The following OR5A1 variants were observed in gnomAD, a reference collection of about 807,000 sequenced individuals.
OR5A1 encodes the protein olfactory receptor 5A1.
In OR5A1, 6 loss-of-function variants were observed where a neutral mutation model predicts 6.7. That is an observed-to-expected ratio of 0.89 (90% CI 0.49 to 1.76). The LOEUF is 1.76. OR5A1 is among the 40% of genes most tolerant of loss of function. OR5A1 has a pLI of 0.01. For missense variants in OR5A1, 378 were observed against 381.7 expected (o/e 0.99, Z 0.08); for synonymous variants, 170 against 155.0 (o/e 1.10, Z -0.72).
chr11:59,443,224 G>T lies in OR5A1; in HGVS notation c.56G>T (p.Gly19Val). ...SSSVTMFILL[G>V]FTDHPELQAL... ...TCAGTGACCATGTTCATCCTCCTGG[G>T]ATTCACAGACCATCCAGAACTCCAG... is the stretch of plus-strand genomic sequence containing the variant. Residue 19 changes from glycine to valine, a missense_variant, in exon 2 of 2, where the codon GGA becomes GTA. Coordinates refer to ENST00000641045, the MANE Select transcript of OR5A1 (RefSeq NM_001004728.2). 1 of 1,614,078 alleles carries T rather than the reference G, an allele frequency of 6.2e-7. No individual in the cohort carries two copies. Among genetic ancestry groups the T allele is most frequent in the South Asian group, 1.1e-5 (1 of 91,076 alleles).
In OR5A1 at chr11:59,443,377, C is replaced by T; in HGVS notation, c.209C>T (p.Ser70Phe). The T allele has an allele frequency of 6.2e-7, 1 of 1,613,818 alleles. No individual in the cohort carries two copies. Residue 70 changes from serine (S) to phenylalanine (F), a missense_variant, in exon 2 of 2, where the codon TCT (serine) becomes TTT (phenylalanine). Ser to Phe is a radical substitution (Grantham distance 155, BLOSUM62 -2). Transcript: ENST00000641045. ...ATGTACTTCTTCCTAAGCAACTTAT[C>T]TTTCATTGACATCTGCTACTCTTCT... The part of the protein sequence containing the change: ...TPMYFFLSNL[S>F]FIDICYSSAV...
At chr11:59,440,605 CCAAATGG>C (rs1565074402) in intron 1 of OR5A1, among the ~76,000 whole-genome samples, 1 of 152,204 alleles carries the variant, frequency 6.6e-6, no homozygotes, top group Non-Finnish European at 1.5e-5. Flanking sequence ...TTCTACCTTG[CCAAATGG>C]CTGTACCTCT....
In OR5A1 at chr11:59,443,802, A is replaced by C. The variant is rs778236312; in HGVS notation, c.634A>C (p.Thr212Pro). The change falls in exon 2 of 2, where the codon ACA (threonine) becomes CCA (proline). Residue 212 changes from threonine (T) to proline (P), a missense_variant. Physicochemically the swap from Thr to Pro is conservative, Grantham distance 38. Transcript: ENST00000641045. ...NFLVVVTVGG[T>P]SFLQLLISYG... ...CCTCGTGGTGGTCACTGTCGGAGGA[A>C]CATCGTTCCTCCAACTCCTTATCTC... 5 of 1,614,024 alleles carry C rather than the reference A, an allele frequency of 3.1e-6. No homozygotes were observed. In the Admixed American group the frequency reaches 8.3e-5, roughly 27 times the overall value.
rs1482524402 is a variant in OR5A1, at chr11:59,449,217, GAACAGTGTA to G, written c.*5105_*5113del. The G allele has an allele frequency of 6.6e-6, 1 of 152,098 alleles. No homozygotes were observed. Among genetic ancestry groups the G allele is most frequent in the Non-Finnish European group, 1.5e-5 (1 of 68,024 alleles). 9.4% of individuals were successfully genotyped at this position (152,098 alleles called of 1,614,324 possible). A position where few individuals can be genotyped will look rare whatever the true frequency, so the allele number is the denominator to read the frequency against. On this transcript the variant is annotated 3_prime_UTR_variant, in exon 2 of 2. Coordinates refer to ENST00000641045, the MANE Select transcript of OR5A1 (RefSeq NM_001004728.2). ...AGACTTCTTATTCAGCATCAGTTAG[GAACAGTGTA>G]AACTGTTCATGTGTTTGGGTGAAGA...
rs533956178 is a variant in OR5A1 at position 59,444,001 on chromosome 11, C to T, written c.833C>T (p.Ser278Phe). 1 of 1,614,084 alleles carries T rather than the reference C, an allele frequency of 6.2e-7. No individual in the cohort carries two copies. The highest frequency in any genetic ancestry group is 8.5e-7 in the Non-Finnish European group (1 of 1,179,996). The change falls in exon 2 of 2, where the codon TCT becomes TTT. Residue 278 changes from serine (S) to phenylalanine (F), a missense_variant. By Grantham distance (155) the Ser-to-Phe change is radical. Coordinates refer to ENST00000641045, the MANE Select transcript of OR5A1 (RefSeq NM_001004728.2). ...SYLLGRDKVVSVFYSLVIPML... is the reference protein window; with the variant it reads ...SYLLGRDKVVFVFYSLVIPML... Reference sequence around the variant, plus strand: ...TTGCTAGGCAGGGACAAGGTGGTGTCTGTTTTCTATTCATTGGTGATCCCC... The same window carrying T: ...TTGCTAGGCAGGGACAAGGTGGTGTTTGTTTTCTATTCATTGGTGATCCCC...
Position 59,443,817 on chromosome 11 carries a change from C to T in OR5A1, c.649C>T (p.Leu217Phe), listed in dbSNP as rs1858515402. 1 of 1,614,134 alleles carries T rather than the reference C, an allele frequency of 6.2e-7. No homozygotes were observed. Among genetic ancestry groups the T allele is most frequent in the East Asian group, 2.2e-5 (1 of 44,868 alleles). The change falls in exon 2 of 2, where the codon CTC becomes TTC. Residue 217 changes from leucine to phenylalanine, a missense_variant. Physicochemically the swap from Leu to Phe is conservative, Grantham distance 22. Transcript: ENST00000641045. ...TGTCGGAGGAACATCGTTCCTCCAA[C>T]TCCTTATCTCCTATGGTTACATAGT... Reference protein sequence around the residue: ...VTVGGTSFLQLLISYGYIVSA... With the variant: ...VTVGGTSFLQFLISYGYIVSA...
rs757498023 is a variant in OR5A1 at position 59,443,624 on chromosome 11, T to A, written c.456T>A (p.Tyr152Ter). The stretch of plus-strand genomic sequence containing the variant: ...GTACACGCATGGTGGTTGGGGCATA[T>A]GTTGGTGGCTTCCTGAGCTCCCTGA... ...GLCTRMVVGA[Y>*]VGGFLSSLIQ... The change falls in exon 2 of 2, where the codon TAT (tyrosine) becomes TAA (stop). Residue 152 changes from tyrosine (Y) to a stop codon, truncating the protein, a stop_gained. Coordinates refer to ENST00000641045, the MANE Select transcript of OR5A1 (RefSeq NM_001004728.2). LOFTEE classifies it high-confidence loss of function. 6.2e-7 allele frequency: 1 copy of A among 1,614,078 alleles called. No homozygotes were observed. The highest frequency in any genetic ancestry group is 8.5e-7 in the Non-Finnish European group (1 of 1,180,028).
At chr11:59,441,982 A>AGAT (rs1410688677) in intron 1 of OR5A1, among the ~76,000 whole-genome samples, 7 of 134,408 alleles carry the variant, frequency 5.2e-5, no homozygotes, top group Admixed American at 1.6e-4. Flanking sequence ...ATAGATAGAT[A>AGAT]GATAGATGAT....
intron 1 of OR5A1, among the ~76,000 whole-genome samples, chr11:59,442,303 G>A (rs189480464): frequency 1.1e-3 from 162 of 152,210 alleles, no homozygotes; most frequent in Non-Finnish European, 1.9e-3. Flanking sequence ...TTAGCCAGTC[G>A]CGGTGGCGTA....
rs377482488 is a variant in OR5A1 at position 59,449,273 on chromosome 11, G to A, written c.*5157G>A. The A allele has an allele frequency of 3.9e-5, 6 of 152,176 alleles. No individual in the cohort carries two copies. The highest frequency in any genetic ancestry group is 9.7e-5 in the African/African-American group (4 of 41,436). The allele number at this position is 152,176 out of a possible 1,614,324, so 9.4% of individuals were successfully genotyped here. A position where few individuals can be genotyped will look rare whatever the true frequency, so the allele number is the denominator to read the frequency against. The stretch of plus-strand genomic sequence containing the variant: ...AAGAAGGGCAGAGCAGTGATGATGG[G>A]GAAGTTGTCAGGCTCACTTTACCAA... On this transcript the variant is annotated 3_prime_UTR_variant, in exon 2 of 2. Coordinates refer to ENST00000641045, the MANE Select transcript of OR5A1 (RefSeq NM_001004728.2).
chr11:59,438,715 T>A (rs1858449450), intron 1 of OR5A1, among the ~76,000 whole-genome samples: 1 of 152,140 alleles, frequency 6.6e-6, no homozygotes. Context: ...TAGTAAGCAA[T>A]CCAAAAAGTA....
intron 1 of OR5A1, among the ~76,000 whole-genome samples, chr11:59,442,259 A>C (rs1458007459): frequency 1.3e-5 from 2 of 152,164 alleles, no homozygotes; most frequent in African/African-American, 4.8e-5. Flanking sequence ...CCTGACCAAC[A>C]TGGAGAAACT....
rs1858589317 is a variant in OR5A1 at position 59,449,359 on chromosome 11, A to T, written c.*5243A>T. ...ACACCTACAAACTTATGATTTCAAT[A>T]GTGTCTCTGAAAGGCAAAATGTCCA... On this transcript the variant is annotated 3_prime_UTR_variant, in exon 2 of 2. Transcript: ENST00000641045. 2 of 152,154 alleles carry T rather than the reference A, an allele frequency of 1.3e-5. No individual in the cohort carries two copies. The highest frequency in any genetic ancestry group is 1.3e-4 in the Admixed American group (2 of 15,256). The allele number at this position is 152,154 out of a possible 1,614,324, so 9.4% of individuals were successfully genotyped here. A position where few individuals can be genotyped will look rare whatever the true frequency, so the allele number is the denominator to read the frequency against.
chr11:59,440,282 G>A (rs1858467154), intron 1 of OR5A1, among the ~76,000 whole-genome samples: 1 of 152,028 alleles, frequency 6.6e-6, no homozygotes, highest in Non-Finnish European at 1.5e-5. Context: ...ATGTTTCTCA[G>A]GTTGGTCTCG....
rs1858501190 is a variant in OR5A1 at position 59,443,221 on chromosome 11, T to A, written c.53T>A (p.Leu18Gln). ...NSSSVTMFIL[L>Q]GFTDHPELQA... is the part of the protein sequence containing the mutation. ...TCATCAGTGACCATGTTCATCCTCC[T>A]GGGATTCACAGACCATCCAGAACTC... The change falls in exon 2 of 2, where the codon CTG (leucine) becomes CAG (glutamine). Residue 18 changes from leucine to glutamine, a missense_variant. Physicochemically the swap from Leu to Gln is moderately radical, Grantham distance 113. Transcript: ENST00000641045. 1 of 1,614,032 alleles carries A rather than the reference T, an allele frequency of 6.2e-7. No individual in the cohort carries two copies. Among genetic ancestry groups the A allele is most frequent in the Admixed American group, 1.7e-5 (1 of 59,990 alleles).
Position 59,444,169 on chromosome 11 carries a change from G to GCCTTCA in OR5A1, c.*57_*62dup, listed in dbSNP as rs561929961. On this transcript the variant is annotated 3_prime_UTR_variant, in exon 2 of 2. Coordinates refer to ENST00000641045, the MANE Select transcript of OR5A1 (RefSeq NM_001004728.2). ...ACTGCTGGAGAATTAAACAATCCAA[G>GCCTTCA]CCTTCACCTCCACCTCTGCCTCAGG... 2.3e-4 allele frequency: 288 copies of GCCTTCA among 1,225,538 alleles called. 2 individuals carry two copies. In the East Asian group the frequency reaches 2.5e-3, roughly 10 times the overall value. 75.9% of individuals were successfully genotyped at this position (1,225,538 alleles called of 1,614,324 possible).
intron 1 of OR5A1, among the ~76,000 whole-genome samples, chr11:59,438,877 C>G: frequency 6.6e-6 from 1 of 152,146 alleles, no homozygotes; most frequent in Non-Finnish European, 1.5e-5. Flanking sequence ...AGTCTTGACC[C>G]CTTTAGCATT....
At position 59,444,319 on chromosome 11, in the gene OR5A1, G is replaced by GAAAAAAAAAAA. The variant is rs35421205; in HGVS notation, c.*213_*223dup. 1.2e-5 allele frequency: 1 copy of GAAAAAAAAAAA among 81,086 alleles called. No individual in the cohort carries two copies. Among genetic ancestry groups the GAAAAAAAAAAA allele is most frequent in the Non-Finnish European group, 2.3e-5 (1 of 43,438 alleles). The allele number at this position is 81,086 out of a possible 1,614,324, so 5.0% of individuals were successfully genotyped here. A position where few individuals can be genotyped will look rare whatever the true frequency, so the allele number is the denominator to read the frequency against. ...GCCAAAAAGGGAAGGAATTTCTTCAGAAAAAAAAAAAAAAAAAAAAGAACC... is the reference window on the plus strand; with the variant it reads ...GCCAAAAAGGGAAGGAATTTCTTCAGAAAAAAAAAAAAAAAAAAAAAAAAAAAAAAAGAACC... On this transcript the variant is annotated 3_prime_UTR_variant, in exon 2 of 2. Coordinates refer to ENST00000641045, the MANE Select transcript of OR5A1 (RefSeq NM_001004728.2).
chr11:59,443,478 T>TG lies in OR5A1; in HGVS notation c.310_311insG (p.Phe104CysfsTer11), dbSNP rs1565075235. The TG allele has an allele frequency of 6.2e-7, 1 of 1,613,760 alleles. No homozygotes were observed. The highest frequency in any genetic ancestry group is 1.1e-5 in the South Asian group (1 of 91,042). On this transcript the variant is annotated frameshift_variant, in exon 2 of 2. Transcript: ENST00000641045. LOFTEE classifies it high-confidence loss of function. ...ATCATTTGTGGGCTGTGCTGCTCAGTTTTTTTTCTTTGTCGGCATGGGTCT... is the reference window on the plus strand; with the variant it reads ...ATCATTTGTGGGCTGTGCTGCTCAGTGTTTTTTTCTTTGTCGGCATGGGTCT...
Sources: gnomAD v4.1 joint callset for allele counts (sites outside exome capture counted in the v4.1 genomes callset) on GRCh38, gnomAD v4.1.1 for gene constraint, MANE v1.5 for transcripts, NCBI Gene and HGNC (gene_info 2026-07-23, HGNC 2026-07-21) for gene names.